Variants in RFLNA observed in about 807,000 individuals in gnomAD.
RFLNA encodes refilin A.
RFLNA carries 5 observed loss-of-function variants against 7.8 expected under a neutral mutation model. That is an observed-to-expected ratio of 0.64 (90% CI 0.34 to 1.35). The LOEUF (loss-of-function observed/expected upper bound fraction) is 1.35, where lower values mean the gene tolerates loss of function less well. Ranked by LOEUF, RFLNA falls within the 40% of genes most tolerant of loss-of-function variation. The pLI is 0.04. For synonymous variants in RFLNA, 141 were observed against 131.3 expected (o/e 1.07, Z -0.50); for missense variants, 278 against 305.5 (o/e 0.91, Z 0.67).
chr12:124,312,963 A>T (rs116427941), intron 2 of RFLNA, among the ~76,000 whole-genome samples: 4,364 of 152,162 alleles, frequency 0.029, 115 homozygotes, highest in African/African-American at 0.066. Context: ...GGCTCTCTCC[A>T]TCCACTCGTC....
At chr12:124,299,506 T>G (rs904213926) in intron 1 of RFLNA, among the ~76,000 whole-genome samples, 1 of 152,222 alleles carries the variant, frequency 6.6e-6, no homozygotes, top group East Asian at 1.9e-4. Flanking sequence ...CCTCACCCTC[T>G]TCCCACCCTT....
At chr12:124,310,179 A>AAAAAAAAAAAAAAAAAAG (rs2034215003) in intron 1 of RFLNA, among the ~76,000 whole-genome samples, 2 of 141,854 alleles carry the variant, frequency 1.4e-5, no homozygotes, top group Non-Finnish European at 3.1e-5. Flanking sequence ...TCTCAAAAAA[A>AAAAAAAAAAAAAAAAAAG]AAAAAAAAAA....
At chr12:124,304,152 C>T (rs112129933) in intron 1 of RFLNA, among the ~76,000 whole-genome samples, 1 of 152,252 alleles carries the variant, frequency 6.6e-6, no homozygotes, top group Non-Finnish European at 1.5e-5. Flanking sequence ...TTTCGATGTT[C>T]GAATAGCCCT....
chr12:124,312,486 T>G (rs1448942261), intron 2 of RFLNA, among the ~76,000 whole-genome samples: 1 of 152,062 alleles, frequency 6.6e-6, no homozygotes, highest in African/African-American at 2.4e-5. Context: ...AATTTTTGTA[T>G]TTTTTGTAGA....
chr12:124,296,508 C>A (rs2033932240), intron 1 of RFLNA, among the ~76,000 whole-genome samples: 1 of 152,132 alleles, frequency 6.6e-6, no homozygotes, highest in Non-Finnish European at 1.5e-5. Flanking sequence ...CTGGCTGCGC[C>A]CTGCCCACCT....
intron 2 of RFLNA, 47 bp from the exon 3 acceptor site, chr12:124,314,145 C>A: frequency 6.4e-7 from 1 of 1,572,246 alleles, no homozygotes; most frequent in South Asian, 1.2e-5. Context: ...GGGAATCGGG[C>A]TGCCCCCAAT....
intron 1 of RFLNA, among the ~76,000 whole-genome samples, chr12:124,295,860 T>C (rs1176337572): frequency 2.6e-5 from 4 of 151,710 alleles, no homozygotes; most frequent in Admixed American, 2.0e-4. Context: ...TCCCTGGCGG[T>C]GGGCCTCCCT....
chr12:124,311,025 C>T (rs891669669), intron 1 of RFLNA, among the ~76,000 whole-genome samples: 1 of 152,168 alleles, frequency 6.6e-6, no homozygotes, highest in Non-Finnish European at 1.5e-5. Flanking sequence ...CTTGATCTTT[C>T]ACATCTTTGA....
intron 1 of RFLNA, among the ~76,000 whole-genome samples, chr12:124,308,278 G>A (rs187410622): frequency 2.2e-4 from 33 of 152,288 alleles, no homozygotes; most frequent in Admixed American, 3.9e-4. Flanking sequence ...CACTGCCTCC[G>A]GCCTGTGTCC....
At chr12:124,294,122 C>G (rs75494925), upstream of RFLNA, among the ~76,000 whole-genome samples, 2,637 of 152,298 alleles carry the variant, frequency 0.017, 63 homozygotes, top group African/African-American at 0.059. Flanking sequence ...AGAACATCTT[C>G]AAAGTGCTGC....
At chr12:124,290,771 C>A (rs1404400284), upstream of RFLNA, among the ~76,000 whole-genome samples, 1 of 152,188 alleles carries the variant, frequency 6.6e-6, no homozygotes, top group African/African-American at 2.4e-5. This position sits in a 1 kb window ranked among gnomAD's most constrained non-coding sequence, Gnocchi z 4.0. Flanking sequence ...TGCCTGGAAG[C>A]ATACCCCTAA....
Position 124,314,723 on chromosome 12 carries a change from G to C in RFLNA, c.*198G>C, listed in dbSNP as rs997239016. 4.4e-6 allele frequency: 4 copies of C among 906,050 alleles called. No homozygotes were observed. The highest frequency in any genetic ancestry group is 1.6e-5 in the African/African-American group (1 of 61,028). The allele number at this position is 906,050 out of a possible 1,614,324, so 56.1% of individuals were successfully genotyped here. A position where few individuals can be genotyped will look rare whatever the true frequency, so the allele number is the denominator to read the frequency against. On this transcript the variant is annotated 3_prime_UTR_variant, in exon 3 of 3. Transcript: ENST00000546355. ...GGCTAGGTGGTGGTCTCCTTGTTTT[G>C]GTGTCAAGGACTCAGTAAAAGCATC...
At position 124,289,672 on chromosome 12, in the gene RFLNA, G is replaced by A. The variant is rs925954765; in HGVS notation, c.-37+302G>A. ...CCCCAGACAGCTGCCCAGCAAAGGC[G>A]GGCTGCAGGCTCCGAGAGGACACGG... On this transcript the variant is annotated intron_variant, in intron 1 of 2. Transcript: ENST00000324038. The surrounding 1 kb of genome is among the most constrained non-coding windows in gnomAD (Gnocchi z 5.0). 2.0e-5 allele frequency among the ~76,000 whole-genome samples: 3 copies of A among 152,214 alleles called. No individual in the cohort carries two copies. Among genetic ancestry groups the A allele is most frequent in the African/African-American group, 7.2e-5 (3 of 41,452 alleles).
rs370935386 is a variant in RFLNA at position 124,315,168 on chromosome 12, G to A, written c.*643G>A. 4.1e-5 allele frequency: 7 copies of A among 171,606 alleles called. No homozygotes were observed. Among genetic ancestry groups the A allele is most frequent in the South Asian group, 3.1e-4 (2 of 6,466 alleles). 10.6% of individuals were successfully genotyped at this position (171,606 alleles called of 1,614,324 possible). On this transcript the variant is annotated 3_prime_UTR_variant, in exon 3 of 3. Coordinates refer to ENST00000546355, the MANE Select transcript of RFLNA (RefSeq NM_001365156.1). ...CGCTGGAGGTGGTGATACTGGGGGC[G>A]GGGAAGGCCTAGAAATACTTTGAGC...
chr12:124,309,062 C>T (rs530762208), intron 1 of RFLNA, among the ~76,000 whole-genome samples: 1 of 152,280 alleles, frequency 6.6e-6, no homozygotes, highest in South Asian at 2.1e-4. Context: ...AGAACAGGGT[C>T]CCAGGGCATG....
intron 1 of RFLNA, among the ~76,000 whole-genome samples, chr12:124,298,573 T>A (rs2033972069): frequency 6.6e-6 from 1 of 152,224 alleles, no homozygotes; most frequent in African/African-American, 2.4e-5. Flanking sequence ...GCACCTACTG[T>A]GTGTCACGCT....
chr12:124,298,501 G>A (rs914738613), intron 1 of RFLNA, among the ~76,000 whole-genome samples: 5 of 152,302 alleles, frequency 3.3e-5, no homozygotes, highest in Non-Finnish European at 5.9e-5. Context: ...GAACATTCCC[G>A]ATCACTCCCA....
upstream of RFLNA, among the ~76,000 whole-genome samples, chr12:124,294,261 C>A (rs1265715944): frequency 1.3e-5 from 2 of 152,180 alleles, no homozygotes; most frequent in Non-Finnish European, 2.9e-5. Flanking sequence ...CTGGAGTCTA[C>A]CTCTGTTCTC....
chr12:124,308,070 C>T (rs1423804498), intron 1 of RFLNA, among the ~76,000 whole-genome samples: 1 of 151,976 alleles, frequency 6.6e-6, no homozygotes, highest in Non-Finnish European at 1.5e-5. Flanking sequence ...CAACCTCTGC[C>T]TCCTGGGTTT....
Sources: gnomAD v4.1 joint callset for allele counts (sites outside exome capture counted in the v4.1 genomes callset) on GRCh38, gnomAD v4.1.1 for gene constraint, Gnocchi (gnomAD v3.1) non-coding constraint, MANE v1.5 for transcripts, NCBI Gene and HGNC (gene_info 2026-07-23, HGNC 2026-07-21) for gene names.